The following KCNC1 variants were observed in gnomAD, a reference collection of about 807,000 sequenced individuals.
KCNC1 encodes the protein voltage-gated potassium channel KCNC1.
KCNC1 carries 8 observed loss-of-function variants against 43.4 expected under a neutral mutation model. The observed-to-expected ratio is 0.18, with a 90% confidence interval of 0.11 to 0.33. The LOEUF is 0.33. Among genes scored for constraint, KCNC1 ranks in the 10% least tolerant of loss-of-function variants. KCNC1 has a pLI of 1.00. For missense variants in KCNC1, 420 were observed against 836.0 expected (o/e 0.50, Z 6.14); for synonymous variants, 361 against 360.5 (o/e 1.00, Z -0.01).
chr11:17,750,082 G>C (rs1323513842), intron 1 of KCNC1, among the ~76,000 whole-genome samples: 1 of 152,196 alleles, frequency 6.6e-6, no homozygotes, highest in Non-Finnish European at 1.5e-5. Flanking sequence ...CCTCAGTGTG[G>C]ACTCGGGCAG....
intron 2 of KCNC1, chr11:17,775,262 A>T: frequency 1.0e-6 from 1 of 985,458 alleles, no homozygotes; most frequent in Non-Finnish European, 1.2e-6. Context: ...TGTGTGTGGC[A>T]CGCTGGGTTC....
chr11:17,743,937 T>G (rs1412246138), intron 1 of KCNC1, among the ~76,000 whole-genome samples: 1 of 151,690 alleles, frequency 6.6e-6, no homozygotes, highest in African/African-American at 2.4e-5. Context: ...ATCCAGTTTG[T>G]GAGATGTGAG....
intron 1 of KCNC1, among the ~76,000 whole-genome samples, chr11:17,766,296 C>T (rs1490509045): frequency 8.5e-5 from 13 of 152,156 alleles, no homozygotes; most frequent in African/African-American, 2.9e-4. Flanking sequence ...GGTGGGGACA[C>T]TGTTGTAGTT....
chr11:17,769,556 G>A (rs1162609946), intron 1 of KCNC1, among the ~76,000 whole-genome samples: 1 of 151,960 alleles, frequency 6.6e-6, no homozygotes, highest in Non-Finnish European at 1.5e-5. Flanking sequence ...AGAAAGGAGG[G>A]ATAGGCCAGG....
chr11:17,743,479 A>G (rs980732331), intron 1 of KCNC1, among the ~76,000 whole-genome samples: 2 of 152,222 alleles, frequency 1.3e-5, no homozygotes, highest in Non-Finnish European at 2.9e-5. Flanking sequence ...TGGCCAGGCC[A>G]TGGGCTAAGA....
chr11:17,767,025 C>A (rs2133801237), intron 1 of KCNC1, among the ~76,000 whole-genome samples: 1 of 150,934 alleles, frequency 6.6e-6, no homozygotes, highest in Non-Finnish European at 1.5e-5. Flanking sequence ...CCCAGCTACT[C>A]AGGAGGCTGA....
rs905605603 is a variant in KCNC1, at chr11:17,779,019, A to G, written c.1505-437A>G. On this transcript the variant is annotated intron_variant, in intron 2 of 3. Coordinates refer to ENST00000265969, the MANE Select transcript of KCNC1 (RefSeq NM_001112741.2). The surrounding 1 kb of genome is among the most constrained non-coding windows in gnomAD (Gnocchi z 7.2). The stretch of plus-strand genomic sequence containing the variant: ...AGGCAGCCGGGCTCTGGTCAGCAGC[A>G]GAGGGGTCCGGAAAGGCCCCTCTCT... 1.3e-5 allele frequency among the ~76,000 whole-genome samples: 2 copies of G among 152,008 alleles called. No homozygotes were observed. The highest frequency in any genetic ancestry group is 6.5e-5 in the Admixed American group (1 of 15,276).
intron 1 of KCNC1, among the ~76,000 whole-genome samples, chr11:17,770,235 T>C (rs2133803747): frequency 6.6e-6 from 1 of 152,374 alleles, no homozygotes; most frequent in Non-Finnish European, 1.5e-5. Context: ...CTCCTCCAAA[T>C]GATCTATGAG....
chr11:17,775,301 C>A, intron 2 of KCNC1: 4 of 978,512 alleles, frequency 4.1e-6, no homozygotes, highest in Non-Finnish European at 3.6e-6. Context: ...CCCCCCAGGC[C>A]AGCCCCCAGT....
intron 1 of KCNC1, among the ~76,000 whole-genome samples, chr11:17,748,111 T>C (rs1848922076): frequency 6.6e-6 from 1 of 152,200 alleles, no homozygotes; most frequent in Admixed American, 6.5e-5. Context: ...CTCAAGTTCT[T>C]ATATTCTAGC....
At chr11:17,764,835 CG>C (rs1337334249) in intron 1 of KCNC1, among the ~76,000 whole-genome samples, 1 of 152,154 alleles carries the variant, frequency 6.6e-6, no homozygotes, top group Non-Finnish European at 1.5e-5. Context: ...TCCCGGCCCG[CG>C]GAAGTCCAGA....
chr11:17,759,926 T>C (rs919671856), intron 1 of KCNC1, among the ~76,000 whole-genome samples: 1 of 152,054 alleles, frequency 6.6e-6, no homozygotes, highest in African/African-American at 2.4e-5. Context: ...CAAACTTGAA[T>C]TGGAAAAAAA....
rs377545659 is a variant in KCNC1, at chr11:17,742,498, A to G, written c.570+5926A>G. Among the ~76,000 whole-genome samples the G allele has an allele frequency of 6.6e-6, 1 of 152,200 alleles. No individual in the cohort carries two copies. The highest frequency in any genetic ancestry group is 1.5e-5 in the Non-Finnish European group (1 of 68,038). On this transcript the variant is annotated intron_variant, in intron 1 of 3. Transcript: ENST00000265969. The surrounding 1 kb of genome is among the most constrained non-coding windows in gnomAD (Gnocchi z 4.2). ...TCAGGGCCTTGAGCCACTGCCTCCCATCAGCTCTGGGGCCAGCCTGGCTAC... is the reference window on the plus strand; with the variant it reads ...TCAGGGCCTTGAGCCACTGCCTCCCGTCAGCTCTGGGGCCAGCCTGGCTAC...
At chr11:17,756,820 G>T (rs1849027794) in intron 1 of KCNC1, among the ~76,000 whole-genome samples, 1 of 152,186 alleles carries the variant, frequency 6.6e-6, no homozygotes. Context: ...TGTGCCTATT[G>T]TCATCATAAT....
rs533428986 is a variant in KCNC1 at position 17,779,295 on chromosome 11, C to A, written c.1505-161C>A. On this transcript the variant is annotated intron_variant, in intron 2 of 3. Coordinates refer to ENST00000265969, the MANE Select transcript of KCNC1 (RefSeq NM_001112741.2). The surrounding 1 kb of genome is among the most constrained non-coding windows in gnomAD (Gnocchi z 7.2). Reference sequence around the variant, plus strand: ...TGAATGAGCTGAACCCCCCACCAAGCCCCCTGCCTTGTGCCCTCCTCGCTC... The same window carrying A: ...TGAATGAGCTGAACCCCCCACCAAGACCCCTGCCTTGTGCCCTCCTCGCTC... 1.4e-5 allele frequency: 8 copies of A among 579,776 alleles called. No homozygotes were observed. Among genetic ancestry groups the A allele is most frequent in the East Asian group, 3.0e-5 (1 of 33,214 alleles). 35.9% of individuals were successfully genotyped at this position (579,776 alleles called of 1,614,324 possible). A position where few individuals can be genotyped will look rare whatever the true frequency, so the allele number is the denominator to read the frequency against.
intron 1 of KCNC1, among the ~76,000 whole-genome samples, chr11:17,766,190 C>T (rs1042008285): frequency 4.6e-5 from 7 of 152,182 alleles, no homozygotes; most frequent in South Asian, 2.1e-4. Context: ...ACGAGTGGTG[C>T]GTGTGTGCGC....
At chr11:17,778,465 G>A (rs561915584) in intron 2 of KCNC1, among the ~76,000 whole-genome samples, 1 of 152,242 alleles carries the variant, frequency 6.6e-6, no homozygotes, top group African/African-American at 2.4e-5. Flanking sequence ...AGGAATGGGA[G>A]CCCCTCCCAA....
At position 17,779,018 on chromosome 11, in the gene KCNC1, C is replaced by T. The variant is rs1044156337; in HGVS notation, c.1505-438C>T. 6.6e-6 allele frequency among the ~76,000 whole-genome samples: 1 copy of T among 152,018 alleles called. No homozygotes were observed. The highest frequency in any genetic ancestry group is 1.5e-5 in the Non-Finnish European group (1 of 67,982). Reference sequence around the variant, plus strand: ...GAGGCAGCCGGGCTCTGGTCAGCAGCAGAGGGGTCCGGAAAGGCCCCTCTC... The same window carrying T: ...GAGGCAGCCGGGCTCTGGTCAGCAGTAGAGGGGTCCGGAAAGGCCCCTCTC... On this transcript the variant is annotated intron_variant, in intron 2 of 3. Transcript: ENST00000265969. This position sits in a 1 kb window ranked among gnomAD's most constrained non-coding sequence, Gnocchi z 7.2.
At chr11:17,754,650 G>T (rs1173592402) in intron 1 of KCNC1, among the ~76,000 whole-genome samples, 1 of 151,414 alleles carries the variant, frequency 6.6e-6, no homozygotes, top group East Asian at 1.9e-4. Flanking sequence ...GGAGGAAGGA[G>T]CCTCCTTTCC....
Sources: gnomAD v4.1 joint callset for allele counts (sites outside exome capture counted in the v4.1 genomes callset) on GRCh38, gnomAD v4.1.1 for gene constraint, Gnocchi (gnomAD v3.1) non-coding constraint, MANE v1.5 for transcripts, NCBI Gene and HGNC (gene_info 2026-07-23, HGNC 2026-07-21) for gene names.